MKLN1: variants seen among roughly 807,000 people sequenced by gnomAD.
The protein encoded by MKLN1 is muskelin 1.
In MKLN1, 18 loss-of-function variants were observed where a neutral mutation model predicts 99.0. That is an observed-to-expected ratio of 0.18 (90% CI 0.13 to 0.27). MKLN1 has a LOEUF of 0.27. Ranked by LOEUF, MKLN1 falls within the 10% of genes least tolerant of loss-of-function variation. The pLI is 1.00. For synonymous variants in MKLN1, 288 were observed against 293.2 expected (o/e 0.98, Z 0.18); for missense variants, 621 against 875.9 (o/e 0.71, Z 3.67).
At chr7:131,201,554 T>G (rs1490750839) in intron 2 of MKLN1, among the ~76,000 whole-genome samples, 1 of 152,230 alleles carries the variant, frequency 6.6e-6, no homozygotes, top group Non-Finnish European at 1.5e-5. Context: ...ATAAGGTTAC[T>G]GGGTAATTCA....
intron 3 of MKLN1, among the ~76,000 whole-genome samples, chr7:131,253,411 C>A (rs1373118493): frequency 6.6e-6 from 1 of 152,184 alleles, no homozygotes; most frequent in Non-Finnish European, 1.5e-5. Flanking sequence ...TAGGCAAGTG[C>A]AGCCAAGAGG....
chr7:131,448,575 T>C (rs1221576620), intron 12 of MKLN1, among the ~76,000 whole-genome samples: 1 of 152,234 alleles, frequency 6.6e-6, no homozygotes, highest in African/African-American at 2.4e-5. Context: ...TTTTAAAACT[T>C]ATTTATTGTA....
intron 2 of MKLN1, among the ~76,000 whole-genome samples, chr7:131,159,979 T>A (rs536575030): frequency 1.6e-4 from 24 of 152,106 alleles, no homozygotes; most frequent in African/African-American, 5.3e-4. Flanking sequence ...ACCTGGGCTT[T>A]CACACAGGCT....
rs1225285056 is a variant in MKLN1 at position 131,285,145 on chromosome 7, A to G, written c.-179+82171A>G. ...TCATTCTCTCCTGGCTGCTGTCCTA[A>G]GAGTTTTTTCTCCTTTCTTCCACTC... On this transcript the variant is annotated intron_variant, in intron 3 of 7. Transcript: ENST00000416992. 2.0e-5 allele frequency: 3 copies of G among 152,400 alleles called. No individual in the cohort carries two copies. In the East Asian group the frequency reaches 5.8e-4, roughly 29 times the overall value. 9.4% of individuals were successfully genotyped at this position (152,400 alleles called of 1,614,324 possible).
intron 3 of MKLN1, among the ~76,000 whole-genome samples, chr7:131,212,057 A>G (rs1796913700): frequency 6.6e-6 from 1 of 152,254 alleles, no homozygotes; most frequent in South Asian, 2.1e-4. Context: ...CCTCAGTGTA[A>G]GCGGAGCTCT....
chr7:131,235,692 C>CT (rs1285969990), intron 3 of MKLN1, among the ~76,000 whole-genome samples: 1 of 152,124 alleles, frequency 6.6e-6, no homozygotes, highest in Non-Finnish European at 1.5e-5. Context: ...TCTGTTGTAT[C>CT]TTTTTTCAGT....
chr7:131,418,325 C>T (rs534797321), intron 8 of MKLN1, among the ~76,000 whole-genome samples: 2 of 146,868 alleles, frequency 1.4e-5, no homozygotes, highest in East Asian at 2.0e-4. Context: ...GGCGAGATTG[C>T]GCCATCGCAC....
At chr7:131,322,105 A>G (rs1423433170) in intron 3 of MKLN1, among the ~76,000 whole-genome samples, 3 of 152,218 alleles carry the variant, frequency 2.0e-5, no homozygotes, top group Non-Finnish European at 4.4e-5. Context: ...AAAGCACCAA[A>G]TCCTAGCCAT....
At chr7:131,305,318 T>C (rs1350416714) in intron 3 of MKLN1, among the ~76,000 whole-genome samples, 1 of 152,248 alleles carries the variant, frequency 6.6e-6, no homozygotes, top group South Asian at 2.1e-4. Flanking sequence ...TGTGTTTGTT[T>C]TGCTTTGTTA....
intron 2 of MKLN1, among the ~76,000 whole-genome samples, chr7:131,148,776 A>G (rs1387649622): frequency 6.6e-6 from 1 of 152,208 alleles, no homozygotes; most frequent in Non-Finnish European, 1.5e-5. Context: ...CCAGTCTCCA[A>G]AGAAAAAAGA....
intron 2 of MKLN1, among the ~76,000 whole-genome samples, chr7:131,152,750 G>A (rs938191925): frequency 1.3e-5 from 2 of 151,686 alleles, no homozygotes; most frequent in Non-Finnish European, 2.9e-5. Context: ...CACCCTGCTC[G>A]GCCTCCCAAA....
At chr7:131,264,280 C>A (rs962668052) in intron 3 of MKLN1, among the ~76,000 whole-genome samples, 2 of 152,132 alleles carry the variant, frequency 1.3e-5, no homozygotes, top group African/African-American at 2.4e-5. Flanking sequence ...TAACTTCAGA[C>A]AAATCACTTT....
chr7:131,350,083 C>A (rs1012371254), intron 1 of MKLN1, among the ~76,000 whole-genome samples: 39 of 152,158 alleles, frequency 2.6e-4, no homozygotes, highest in African/African-American at 9.4e-4. Flanking sequence ...CTGTAATTTT[C>A]AACCTGTATT....
At chr7:131,345,323 C>T (rs1338110224) in intron 1 of MKLN1, among the ~76,000 whole-genome samples, 1 of 152,218 alleles carries the variant, frequency 6.6e-6, no homozygotes, top group African/African-American at 2.4e-5. Context: ...CATCCCTAAT[C>T]TGAAATTTGA....
intron 3 of MKLN1, chr7:131,242,908 T>G (rs1450681138): frequency 1.5e-6 from 1 of 666,856 alleles, no homozygotes; most frequent in African/African-American, 1.8e-5. Flanking sequence ...GACCCTACTC[T>G]TAAACACAAG....
At chr7:131,178,783 C>T (rs1007246127) in intron 2 of MKLN1, among the ~76,000 whole-genome samples, 11 of 152,128 alleles carry the variant, frequency 7.2e-5, no homozygotes, top group African/African-American at 2.7e-4. Context: ...TATTTGCAAA[C>T]TTTCATAGTC....
At position 131,213,479 on chromosome 7, in the gene MKLN1, CAG is replaced by C. The variant is rs371304349; in HGVS notation, c.-179+10508_-179+10509del. Among the ~76,000 whole-genome samples, 29 of 152,216 alleles carry C rather than the reference CAG, an allele frequency of 1.9e-4. No individual in the cohort carries two copies. In the East Asian group the frequency reaches 4.8e-3, roughly 25 times the overall value. ...CACACCATGTGAGGTTTTTCTAGGCCAGAGTCTGTCAACCTTGTATTATTGAC... is the reference window on the plus strand; with the variant it reads ...CACACCATGTGAGGTTTTTCTAGGCCAGTCTGTCAACCTTGTATTATTGAC... On this transcript the variant is annotated intron_variant, in intron 3 of 7. Coordinates refer to the MKLN1 transcript ENST00000416992.
At chr7:131,239,215 T>C (rs1797366030) in intron 3 of MKLN1, among the ~76,000 whole-genome samples, 1 of 152,244 alleles carries the variant, frequency 6.6e-6, no homozygotes, top group African/African-American at 2.4e-5. Context: ...AAATCATATA[T>C]ATTTGTGGTG....
At chr7:131,393,366 C>T (rs774148725) in intron 4 of MKLN1, among the ~76,000 whole-genome samples, 8 of 152,170 alleles carry the variant, frequency 5.3e-5, no homozygotes, top group Non-Finnish European at 1.0e-4. Context: ...AAATCACTGG[C>T]GTTTGAAGTG....
Sources: allele counts gnomAD v4.1 joint callset (sites outside exome capture counted in the v4.1 genomes callset), GRCh38; gene constraint gnomAD v4.1.1; transcripts MANE v1.5; gene names NCBI Gene and HGNC (gene_info 2026-07-23, HGNC 2026-07-21).